The following USP3 variants were observed in gnomAD, a reference collection of about 807,000 sequenced individuals.
USP3 encodes the protein ubiquitin carboxyl-terminal hydrolase 3.
In USP3, 20 loss-of-function variants were observed where a neutral mutation model predicts 72.3. The observed-to-expected ratio is 0.28, with a 90% CI of 0.19 to 0.40. The LOEUF (loss-of-function observed/expected upper bound fraction) is 0.40. Among genes scored for constraint, USP3 ranks in the 10% least tolerant of loss-of-function variants. USP3 has a pLI of 1.00. For missense variants in USP3, 479 were observed against 633.9 expected (o/e 0.76, Z 2.62); for synonymous variants, 222 against 225.3 (o/e 0.99, Z 0.13).
chr15:63,559,592 T>C (rs1214995307), intron 6 of USP3, among the ~76,000 whole-genome samples: 2 of 152,134 alleles, frequency 1.3e-5, no homozygotes, highest in African/African-American at 4.8e-5. Flanking sequence ...GGAGGGAGAA[T>C]TGGGGATTTT....
At chr15:63,518,907 T>A (rs1182485201) in intron 1 of USP3, among the ~76,000 whole-genome samples, 2 of 151,998 alleles carry the variant, frequency 1.3e-5, no homozygotes, top group African/African-American at 2.4e-5. Flanking sequence ...CTGGGACTAC[T>A]GGCACTCACC....
At chr15:63,536,988 C>A in intron 2 of USP3, 37 bp from the exon 3 acceptor site, 1 of 1,585,196 alleles carries the variant, frequency 6.3e-7, no homozygotes, top group South Asian at 1.2e-5. Context: ...ATTTCCAAAG[C>A]AATATTTAAA....
At chr15:63,512,989 T>C (rs2065810211) in intron 1 of USP3, among the ~76,000 whole-genome samples, 1 of 152,252 alleles carries the variant, frequency 6.6e-6, no homozygotes, top group Admixed American at 6.5e-5. Flanking sequence ...GAGTTTATTT[T>C]TAAGATAAGC....
intron 8 of USP3, among the ~76,000 whole-genome samples, chr15:63,568,405 C>G (rs575604531): frequency 2.7e-5 from 4 of 149,954 alleles, no homozygotes; most frequent in African/African-American, 9.8e-5. Flanking sequence ...GTTTTCTTTT[C>G]TCCTGTACTT....
At chr15:63,547,424 C>G (rs2066345935) in intron 3 of USP3, among the ~76,000 whole-genome samples, 1 of 151,930 alleles carries the variant, frequency 6.6e-6, no homozygotes, top group South Asian at 2.1e-4. Context: ...AAAAACAAAT[C>G]CAGCCAAAAT....
intron 1 of USP3, among the ~76,000 whole-genome samples, chr15:63,521,135 C>T (rs1404560509): frequency 2.3e-5 from 3 of 130,034 alleles, no homozygotes; most frequent in African/African-American, 5.5e-5. Flanking sequence ...TAGATACATT[C>T]TTTTGGACTT....
rs760308848 is a variant in USP3 at position 63,558,056 on chromosome 15, GTTGGCCTTCCC to G, written c.451-44_451-34del. ...TTCCTTAGCTTTGATGTTTGAAACA[GTTGGCCTTCCC>G]TTGGCATTACTGATGGCCTCTTCTT... On this transcript the variant is annotated intron_variant, in intron 5 of 14. Transcript: ENST00000380324. 1.4e-5 allele frequency: 22 copies of G among 1,596,558 alleles called. No homozygotes were observed. The East Asian group carries it at 4.5e-4, about 32-fold the overall frequency.
chr15:63,526,614 A>G (rs1241498728), intron 1 of USP3, among the ~76,000 whole-genome samples: 1 of 152,150 alleles, frequency 6.6e-6, no homozygotes, highest in African/African-American at 2.4e-5. Flanking sequence ...TTGTAGCAGC[A>G]TGTTTGTCTG....
At chr15:63,556,885 G>A in intron 5 of USP3, 137 bp downstream of exon 5, 1 of 670,886 alleles carries the variant, frequency 1.5e-6, no homozygotes, top group African/African-American at 1.8e-5. Context: ...TTTACACAAT[G>A]TTTGCCACCT....
Position 63,544,719 on chromosome 15 carries a change from A to G in USP3, c.284+7563A>G. ...ATAAGTGAATAGTGCGAAATGGAAAATACCGAGGGGTAAGAGAGTTCATGG... is the reference window on the plus strand; with the variant it reads ...ATAAGTGAATAGTGCGAAATGGAAAGTACCGAGGGGTAAGAGAGTTCATGG... On this transcript the variant is annotated intron_variant, in intron 3 of 14. Transcript: ENST00000380324. This position sits in a 1 kb window ranked among gnomAD's most constrained non-coding sequence, Gnocchi z 4.2. 1 of 702,110 alleles carries G rather than the reference A, an allele frequency of 1.4e-6. No individual in the cohort carries two copies. Among genetic ancestry groups the G allele is most frequent in the Non-Finnish European group, 2.6e-6 (1 of 384,726 alleles). The allele number at this position is 702,110 out of a possible 1,614,324, so 43.5% of individuals were successfully genotyped here. A position where few individuals can be genotyped will look rare whatever the true frequency, so the allele number is the denominator to read the frequency against.
In USP3 at chr15:63,574,652, T is replaced by C. The variant is rs1013375384; in HGVS notation, c.1096+249T>C. On this transcript the variant is annotated intron_variant, in intron 11 of 14. Transcript: ENST00000380324. This position sits in a 1 kb window ranked among gnomAD's most constrained non-coding sequence, Gnocchi z 4.6. ...CTTCTTTGAAATACTGACTTTAAAA[T>C]AGAAGGTCTGTAGCAAAAGTTTTTC... Among the ~76,000 whole-genome samples the C allele has an allele frequency of 6.6e-6, 1 of 152,200 alleles. No individual in the cohort carries two copies. The highest frequency in any genetic ancestry group is 2.1e-4 in the South Asian group (1 of 4,836).
intron 3 of USP3, among the ~76,000 whole-genome samples, chr15:63,549,662 T>C (rs544682812): frequency 3.9e-5 from 6 of 152,352 alleles, no homozygotes; most frequent in African/African-American, 1.2e-4. Context: ...TAACGTAAAT[T>C]GTTATACCTG....
intron 3 of USP3, among the ~76,000 whole-genome samples, chr15:63,547,212 G>A (rs1054219998): frequency 2.0e-5 from 3 of 152,100 alleles, no homozygotes; most frequent in Non-Finnish European, 4.4e-5. Context: ...GGAAGCAGCT[G>A]TTTTCCTTAA....
chr15:63,516,059 A>T (rs186641099), intron 1 of USP3, among the ~76,000 whole-genome samples: 2 of 152,256 alleles, frequency 1.3e-5, no homozygotes, highest in East Asian at 1.9e-4. Flanking sequence ...ATATAATTAG[A>T]TTACATATTT....
At chr15:63,575,554 C>A (rs1359192063) in intron 11 of USP3, among the ~76,000 whole-genome samples, 2 of 152,184 alleles carry the variant, frequency 1.3e-5, no homozygotes, top group African/African-American at 2.4e-5. Context: ...GGAACCAGAG[C>A]AACTCTGTAT....
chr15:63,552,421 C>G (rs753277872), intron 3 of USP3, among the ~76,000 whole-genome samples: 2 of 151,944 alleles, frequency 1.3e-5, no homozygotes, highest in Admixed American at 1.3e-4. Context: ...GTTATAGGAC[C>G]AATGAAGAAT....
At chr15:63,533,118 G>A (rs567593255) in intron 2 of USP3, among the ~76,000 whole-genome samples, 2 of 148,158 alleles carry the variant, frequency 1.3e-5, no homozygotes, top group African/African-American at 4.8e-5. Context: ...ATCAACACAT[G>A]GCAATCTTTT....
At chr15:63,554,025 A>G (rs555996036) in intron 4 of USP3, among the ~76,000 whole-genome samples, 1 of 152,176 alleles carries the variant, frequency 6.6e-6, no homozygotes, top group Non-Finnish European at 1.5e-5. Flanking sequence ...ACCATATCCA[A>G]GGTCCCAAGA....
At chr15:63,547,171 A>G (rs1159091546) in intron 3 of USP3, among the ~76,000 whole-genome samples, 1 of 152,222 alleles carries the variant, frequency 6.6e-6, no homozygotes, top group Non-Finnish European at 1.5e-5. Context: ...CCACGTTGAC[A>G]GGCACTCTCA....
Sources: allele counts gnomAD v4.1 joint callset (sites outside exome capture counted in the v4.1 genomes callset), GRCh38; gene constraint gnomAD v4.1.1; non-coding constraint Gnocchi (gnomAD v3.1); transcripts MANE v1.5; gene names NCBI Gene and HGNC (gene_info 2026-07-23, HGNC 2026-07-21).